The following MBOAT2 variants were observed in gnomAD, a reference collection of about 807,000 sequenced individuals.
The protein encoded by MBOAT2 is membrane-bound glycerophospholipid O-acyltransferase 2.
Under a neutral mutation model 63.4 loss-of-function variants are expected in MBOAT2, and 28 were observed. That is an observed-to-expected ratio of 0.44 (90% confidence interval 0.33 to 0.61). The LOEUF (loss-of-function observed/expected upper bound fraction) is 0.61. MBOAT2 is among the 20% of genes least tolerant of loss of function. The probability of loss-of-function intolerance (pLI) is 0.03; values close to 1 mark genes in which losing one functional copy is unlikely to be tolerated. For synonymous variants in MBOAT2, 211 were observed against 215.6 expected, an observed-to-expected ratio of 0.98 and a Z score of 0.19; for missense variants, 470 against 605.8, an observed-to-expected ratio of 0.78 and a Z score of 2.35.
At chr2:8,922,045 C>T (rs1483475328) in intron 3 of MBOAT2, among the ~76,000 whole-genome samples, 2 of 152,128 alleles carry the variant, frequency 1.3e-5, no homozygotes, top group Non-Finnish European at 2.9e-5. Context: ...GTCTCTGAAG[C>T]TCTGTTTATT....
intron 2 of MBOAT2, among the ~76,000 whole-genome samples, chr2:8,953,227 G>A (rs1668968889): frequency 6.6e-6 from 1 of 152,190 alleles, no homozygotes; most frequent in Admixed American, 6.5e-5. Flanking sequence ...AAGAAGTTTA[G>A]TTTGGTGGGT....
chr2:8,950,673 C>G (rs189408762), intron 2 of MBOAT2, among the ~76,000 whole-genome samples: 1 of 152,266 alleles, frequency 6.6e-6, no homozygotes, highest in African/African-American at 2.4e-5. Flanking sequence ...ATGATCCACC[C>G]GTCTCGGCCT....
intron 3 of MBOAT2, among the ~76,000 whole-genome samples, chr2:8,942,684 A>G (rs1668139005): frequency 6.6e-6 from 1 of 151,816 alleles, no homozygotes; most frequent in South Asian, 2.1e-4. Context: ...GCTTCCATCT[A>G]CTCTACTCCT....
chr2:8,905,097 C>T (rs1303871677), intron 4 of MBOAT2, among the ~76,000 whole-genome samples: 5 of 152,284 alleles, frequency 3.3e-5, no homozygotes, highest in African/African-American at 4.8e-5. Context: ...AGAGTCTGGG[C>T]TTTGCTTCTT....
intron 3 of MBOAT2, among the ~76,000 whole-genome samples, chr2:8,919,279 A>C (rs1445060514): frequency 6.6e-6 from 1 of 152,168 alleles, no homozygotes; most frequent in African/African-American, 2.4e-5. Context: ...TGGTAAGTTA[A>C]TGTTTAACTT....
intron 8 of MBOAT2, among the ~76,000 whole-genome samples, chr2:8,872,167 C>T (rs1056085291): frequency 6.6e-6 from 1 of 152,222 alleles, no homozygotes; most frequent in African/African-American, 2.4e-5. Flanking sequence ...TAACATCTGC[C>T]ACGCAAAGCG....
At chr2:8,941,702 C>G (rs951714648) in intron 3 of MBOAT2, among the ~76,000 whole-genome samples, 1 of 151,686 alleles carries the variant, frequency 6.6e-6, no homozygotes, top group Non-Finnish European at 1.5e-5. Context: ...GAACTGAATT[C>G]TAAGTTTTAA....
intron 3 of MBOAT2, among the ~76,000 whole-genome samples, chr2:8,922,603 G>A (rs1465659708): frequency 2.0e-5 from 3 of 152,134 alleles, no homozygotes; most frequent in African/African-American, 4.8e-5. Flanking sequence ...GGTTGTCCCC[G>A]TGTCTGCATA....
chr2:8,913,255 C>A (rs1665920313), intron 3 of MBOAT2, among the ~76,000 whole-genome samples: 1 of 151,976 alleles, frequency 6.6e-6, no homozygotes, highest in African/African-American at 2.4e-5. Flanking sequence ...ATTGGAAAAA[C>A]CCTTCTAGAC....
At chr2:8,859,171 G>A (rs1304362014) in intron 12 of MBOAT2, among the ~76,000 whole-genome samples, 1 of 152,096 alleles carries the variant, frequency 6.6e-6, no homozygotes, top group Non-Finnish European at 1.5e-5. Context: ...GAAGGCCATG[G>A]TTAAACAGAA....
chr2:8,912,081 G>A (rs1412790086), intron 3 of MBOAT2, among the ~76,000 whole-genome samples: 1 of 151,648 alleles, frequency 6.6e-6, no homozygotes, highest in East Asian at 1.9e-4. Context: ...GGTATACAAG[G>A]GACATACCTT....
chr2:8,939,810 A>G (rs1667921412), intron 3 of MBOAT2, among the ~76,000 whole-genome samples: 1 of 152,184 alleles, frequency 6.6e-6, no homozygotes, highest in Admixed American at 6.5e-5. Context: ...AATCACTAGA[A>G]AGAAACTCAC....
chr2:8,882,900 T>C (rs1442504730), intron 5 of MBOAT2, among the ~76,000 whole-genome samples: 2 of 152,206 alleles, frequency 1.3e-5, no homozygotes, highest in East Asian at 3.8e-4. Flanking sequence ...TTTTCTATTA[T>C]GGGATGACTT....
intron 3 of MBOAT2, among the ~76,000 whole-genome samples, chr2:8,931,552 A>G (rs1280500528): frequency 1.3e-5 from 2 of 152,056 alleles, no homozygotes; most frequent in Non-Finnish European, 2.9e-5. Context: ...GTTCACTCTG[A>G]TGAGTTTCTT....
chr2:8,891,653 A>G (rs1285351143), intron 4 of MBOAT2, among the ~76,000 whole-genome samples: 1 of 152,226 alleles, frequency 6.6e-6, no homozygotes, highest in Non-Finnish European at 1.5e-5. Context: ...GAGCTTCAGT[A>G]TCTAACCACT....
intron 1 of MBOAT2, among the ~76,000 whole-genome samples, chr2:8,991,959 C>T (rs1331207232): frequency 6.6e-6 from 1 of 152,152 alleles, no homozygotes; most frequent in East Asian, 1.9e-4. Flanking sequence ...ACGCATCTGC[C>T]TTTCCATTCA....
chr2:8,966,648 C>A (rs1175628561), intron 1 of MBOAT2, among the ~76,000 whole-genome samples: 5 of 152,182 alleles, frequency 3.3e-5, no homozygotes, highest in African/African-American at 1.2e-4. Flanking sequence ...TTTTTTACAT[C>A]TTTATGAGAT....
chr2:8,998,609 C>CG (rs1041901490), intron 1 of MBOAT2, among the ~76,000 whole-genome samples: 3 of 149,808 alleles, frequency 2.0e-5, no homozygotes, highest in East Asian at 2.0e-4. Context: ...AGGGGAAGAG[C>CG]GGGGGGCGGG....
At chr2:8,982,932 C>A (rs7584154) in intron 1 of MBOAT2, among the ~76,000 whole-genome samples, 4,288 of 152,226 alleles carry the variant, frequency 0.028, 209 homozygotes, top group African/African-American at 0.097. Flanking sequence ...CATAGCGGAT[C>A]TGATTTTCAC....
Sources: allele counts gnomAD v4.1 joint callset (sites outside exome capture counted in the v4.1 genomes callset), GRCh38; gene constraint gnomAD v4.1.1; transcripts MANE v1.5; gene names NCBI Gene and HGNC (gene_info 2026-07-23, HGNC 2026-07-21).